BAD: variants seen among roughly 807,000 people sequenced by gnomAD.
BAD encodes the protein BCL2 associated agonist of cell death, also known as bcl2-associated agonist of cell death.
A neutral mutation model predicts 17.8 loss-of-function variants in BAD; 18 were observed. The observed-to-expected ratio is 1.01, with a 90% confidence interval of 0.70 to 1.50. The LOEUF is 1.50. BAD is among the 40% of genes most tolerant of loss of function. The probability of loss-of-function intolerance (pLI) is 0.00; values close to 1 mark genes in which losing one functional copy is unlikely to be tolerated. For missense variants in BAD, 294 were observed against 239.3 expected, an observed-to-expected ratio of 1.23 and a Z score of -1.51; for synonymous variants, 112 against 91.5, an observed-to-expected ratio of 1.22 and a Z score of -1.28.
At chr11:64,281,761 G>C (rs761457390) in intron 2 of BAD, among the ~76,000 whole-genome samples, 1 of 151,996 alleles carries the variant, frequency 6.6e-6, no homozygotes, top group African/African-American at 2.4e-5. Context: ...TCACTCTGTC[G>C]CCAGGCTGGA....
At chr11:64,272,234 G>T (rs951645112) in intron 2 of BAD, among the ~76,000 whole-genome samples, 3 of 151,798 alleles carry the variant, frequency 2.0e-5, no homozygotes, top group Non-Finnish European at 2.9e-5. Flanking sequence ...CAGAAGAATC[G>T]TTTGAACCCA....
At chr11:64,279,117 C>G (rs886405383) in intron 2 of BAD, among the ~76,000 whole-genome samples, 5 of 152,124 alleles carry the variant, frequency 3.3e-5, no homozygotes, top group African/African-American at 1.2e-4. Flanking sequence ...CTTTCTGTAC[C>G]TTGCTACTCC....
intron 2 of BAD, among the ~76,000 whole-genome samples, chr11:64,279,123 A>G (rs1056003135): frequency 6.6e-6 from 1 of 150,686 alleles, no homozygotes; most frequent in South Asian, 2.1e-4. Flanking sequence ...GTACCTTGCT[A>G]CTCCTTCTAC....
At chr11:64,275,965 A>G (rs2033026189) in intron 2 of BAD, among the ~76,000 whole-genome samples, 1 of 151,790 alleles carries the variant, frequency 6.6e-6, no homozygotes, top group Non-Finnish European at 1.5e-5. Context: ...AGCATAGGTA[A>G]CTTGCCCAAG....
intron 2 of BAD, among the ~76,000 whole-genome samples, chr11:64,282,371 G>A (rs1472379110): frequency 3.3e-5 from 5 of 152,166 alleles, no homozygotes; most frequent in Non-Finnish European, 5.9e-5. Flanking sequence ...GGAGGCCAAG[G>A]TGAGAGGATT....
chr11:64,276,249 T>C, intron 2 of BAD: 1 of 152,202 alleles, frequency 6.6e-6, no homozygotes, highest in South Asian at 2.1e-4. Flanking sequence ...GAATTATATA[T>C]ATGTAAATAC....
chr11:64,276,452 G>A (rs538755245), intron 2 of BAD: 1 of 154,372 alleles, frequency 6.5e-6, no homozygotes, highest in East Asian at 1.9e-4. Flanking sequence ...TCAGCCTCCT[G>A]GGTAGCTGGG....
chr11:64,275,936 G>A (rs1488241431), intron 2 of BAD, among the ~76,000 whole-genome samples: 1 of 152,096 alleles, frequency 6.6e-6, no homozygotes, highest in Non-Finnish European at 1.5e-5. Flanking sequence ...ATTTTACAGA[G>A]GAAGAAACTA....
rs2033127228 is a variant in BAD at position 64,277,120 on chromosome 11, C to CA, written c.188-5318dup. The CA allele has an allele frequency of 4.6e-6, 3 of 645,462 alleles. No individual in the cohort carries two copies. In the South Asian group the frequency reaches 5.3e-5, roughly 11 times the overall value. 40.0% of individuals were successfully genotyped at this position (645,462 alleles called of 1,614,324 possible). ...CACTGAATTGCACACTTAATTAAAA[C>CA]AGTGGTGTTCCAGACCGTTTGGAGC... On this transcript the variant is annotated intron_variant, in intron 2 of 3. Transcript: ENST00000309032.
At chr11:64,276,988 T>G (rs1439393254) in intron 2 of BAD, 1 of 727,682 alleles carries the variant, frequency 1.4e-6, no homozygotes, top group Admixed American at 2.0e-5. Context: ...CGAGCATCCC[T>G]GCACTGGGAT....
chr11:64,284,602 C>T (rs2033729568), intron 1 of BAD, 29 bp downstream of exon 1: 6 of 1,500,984 alleles, frequency 4.0e-6, no homozygotes, highest in Non-Finnish European at 5.3e-6. Flanking sequence ...GGCCCCGCCC[C>T]GCCCGTGGTG....
chr11:64,282,051 A>C (rs2033513383), intron 2 of BAD, among the ~76,000 whole-genome samples: 1 of 152,094 alleles, frequency 6.6e-6, no homozygotes, highest in Non-Finnish European at 1.5e-5. Context: ...GCCCCCATAC[A>C]AATCTTCTCA....
chr11:64,271,728 T>TC lies in BAD; in HGVS notation c.262dup (p.Glu88GlyfsTer32). ...GCGGCCCCGAAAGGGGCTGGGCTCC[T>TC]CCCCCATCCCTTCGTCGTCCTCCGT... On this transcript the variant is annotated frameshift_variant, in exon 3 of 4. Coordinates refer to ENST00000309032, the MANE Select transcript of BAD (RefSeq NM_032989.3). LOFTEE classifies it high-confidence loss of function. The TC allele has an allele frequency of 6.9e-7, 1 of 1,445,176 alleles. No homozygotes were observed. Among genetic ancestry groups the TC allele is most frequent in the Non-Finnish European group, 9.1e-7 (1 of 1,098,552 alleles). 89.5% of individuals were successfully genotyped at this position (1,445,176 alleles called of 1,614,324 possible). A position where few individuals can be genotyped will look rare whatever the true frequency, so the allele number is the denominator to read the frequency against.
rs73500186 is a variant in BAD, at chr11:64,270,009, G to A, written c.*200C>T. The stretch of plus-strand genomic sequence containing the variant: ...GGAGCCACTTCCGGCGGCTGTGGGC[G>A]GAAAACCCAAAACTTCCGATGGGAC... On this transcript the variant is annotated 3_prime_UTR_variant, in exon 4 of 4. Transcript: ENST00000309032. 884 of 1,068,718 alleles carry A rather than the reference G, an allele frequency of 8.3e-4. 5 individuals are homozygous for A. In the African/African-American group the frequency reaches 0.01, roughly 13 times the overall value. 66.2% of individuals were successfully genotyped at this position (1,068,718 alleles called of 1,614,324 possible).
chr11:64,277,432 T>C (rs1035629921), intron 2 of BAD, among the ~76,000 whole-genome samples: 13 of 152,158 alleles, frequency 8.5e-5, no homozygotes, highest in African/African-American at 1.4e-4. Flanking sequence ...TTGGCAAATG[T>C]TTCCTTTTTG....
At position 64,269,894 on chromosome 11, in the gene BAD, G is replaced by T. The variant is rs769570355; in HGVS notation, c.*315C>A. 3.9e-5 allele frequency: 27 copies of T among 700,110 alleles called. No individual in the cohort carries two copies. The highest frequency in any genetic ancestry group is 6.2e-5 in the Non-Finnish European group (24 of 385,422). 43.4% of individuals were successfully genotyped at this position (700,110 alleles called of 1,614,324 possible). A position where few individuals can be genotyped will look rare whatever the true frequency, so the allele number is the denominator to read the frequency against. On this transcript the variant is annotated 3_prime_UTR_variant, in exon 4 of 4. Transcript: ENST00000309032. ...GCACGGCCCCCAGGGCATCGCGGGG[G>T]CTCGGGTCCCGGTGACGCAACGGTT... is the stretch of plus-strand genomic sequence containing the variant.
chr11:64,275,610 G>A lies in BAD; in HGVS notation c.188-3807C>T, dbSNP rs2033002388. The A allele has an allele frequency of 1.3e-5, 2 of 152,234 alleles. 1 individual carries two copies. The highest frequency in any genetic ancestry group is 4.1e-4 in the South Asian group (2 of 4,830). 9.4% of individuals were successfully genotyped at this position (152,234 alleles called of 1,614,324 possible). ...TTGTACAGATGAGGAAACAGAGGCA[G>A]AGGTTAAGAACTTGCCTGAGGCCGT... On this transcript the variant is annotated intron_variant, in intron 2 of 3. Transcript: ENST00000309032.
Position 64,269,876 on chromosome 11 carries a change from C to A in BAD, c.*333G>T. ...ATTAACATTTGGTAGTGAGCACGGC[C>A]CCCAGGGCATCGCGGGGGCTCGGGT... On this transcript the variant is annotated 3_prime_UTR_variant, in exon 4 of 4. Coordinates refer to ENST00000309032, the MANE Select transcript of BAD (RefSeq NM_032989.3). 1 of 699,126 alleles carries A rather than the reference C, an allele frequency of 1.4e-6. No individual in the cohort carries two copies. Among genetic ancestry groups the A allele is most frequent in the South Asian group, 1.5e-5 (1 of 66,662 alleles). The allele number at this position is 699,126 out of a possible 1,614,324, so 43.3% of individuals were successfully genotyped here.
chr11:64,282,198 G>A (rs868182234), intron 2 of BAD, among the ~76,000 whole-genome samples: 7 of 152,200 alleles, frequency 4.6e-5, no homozygotes, highest in Non-Finnish European at 8.8e-5. Flanking sequence ...TGTGTCACAC[G>A]GTGAGCACTC....
Sources: gnomAD v4.1 joint callset for allele counts (sites outside exome capture counted in the v4.1 genomes callset) on GRCh38, gnomAD v4.1.1 for gene constraint, MANE v1.5 for transcripts, NCBI Gene and HGNC (gene_info 2026-07-23, HGNC 2026-07-21) for gene names.